Variants in LRRC31 observed in about 807,000 individuals in gnomAD.
LRRC31 encodes the protein leucine-rich repeat-containing protein 31.
A neutral mutation model predicts 46.7 loss-of-function variants in LRRC31; 35 were observed. The observed-to-expected ratio is 0.75, with a 90% CI of 0.57 to 0.99. LRRC31 has a LOEUF of 0.99. Among genes scored for constraint, LRRC31 ranks in the 50% least tolerant of loss-of-function variants. The pLI, the probability that LRRC31 is intolerant of heterozygous loss-of-function variation, is 0.00. For synonymous variants in LRRC31, 236 were observed against 235.1 expected (o/e 1.00, Z -0.03); for missense variants, 613 against 626.1 (o/e 0.98, Z 0.22).
intron 8 of LRRC31, among the ~76,000 whole-genome samples, chr3:169,846,471 G>A (rs971605160): frequency 5.9e-5 from 9 of 152,128 alleles, no homozygotes; most frequent in Admixed American, 2.0e-4. Flanking sequence ...CCAACAGGGC[G>A]AAACCCCGTC....
At chr3:169,848,932 A>G (rs569040257) in intron 7 of LRRC31, among the ~76,000 whole-genome samples, 13 of 152,320 alleles carry the variant, frequency 8.5e-5, no homozygotes, top group African/African-American at 2.9e-4. Context: ...GTTGGTACAT[A>G]TTTCACTGCA....
chr3:169,861,918 C>T, intron 1 of LRRC31, 105 bp from the exon 2 acceptor site: 1 of 1,234,852 alleles, frequency 8.1e-7, no homozygotes, highest in South Asian at 1.5e-5. Flanking sequence ...CTCTGAATTG[C>T]TCTTTTATAA....
intron 2 of LRRC31, 62 bp downstream of exon 2, chr3:169,861,608 T>C: frequency 6.4e-7 from 1 of 1,563,964 alleles, no homozygotes; most frequent in Non-Finnish European, 8.7e-7. Flanking sequence ...GAGTATGTTT[T>C]ATCTGCTTAT....
intron 8 of LRRC31, among the ~76,000 whole-genome samples, chr3:169,845,457 AC>A (rs1283232355): frequency 6.6e-6 from 1 of 152,224 alleles, no homozygotes; most frequent in Admixed American, 6.5e-5. Context: ...TTCAAGACTT[AC>A]TATAAAGTTT....
chr3:169,839,860 C>G lies in LRRC31; in HGVS notation c.*122G>C. On this transcript the variant is annotated 3_prime_UTR_variant, in exon 9 of 9. Transcript: ENST00000316428. ...AATATATATATATATTTACAAAGCT[C>G]TTGTAATATAAGTCCCATTAAATGG... is the stretch of plus-strand genomic sequence containing the variant. 1 of 502,706 alleles carries G rather than the reference C, an allele frequency of 2.0e-6. No homozygotes were observed. Among genetic ancestry groups the G allele is most frequent in the South Asian group, 3.4e-5 (1 of 29,426 alleles). 31.1% of individuals were successfully genotyped at this position (502,706 alleles called of 1,614,324 possible). A position where few individuals can be genotyped will look rare whatever the true frequency, so the allele number is the denominator to read the frequency against.
At position 169,848,164 on chromosome 3, in the gene LRRC31, C is replaced by T; in HGVS notation, c.1283G>A (p.Arg428Lys). ...LKLSMSLQVLRLSSCSLVTED... is the reference protein window; with the variant it reads ...LKLSMSLQVLKLSSCSLVTED... ...TGTCACCAGGGAACAGCTGCTCAGC[C>T]TCAGCACTTGAAGAGACATGGAAAG... The change falls in exon 8 of 9, where the codon AGG becomes AAG. Residue 428 changes from arginine to lysine, a missense_variant. Arg to Lys is a conservative substitution (Grantham distance 26). Coordinates refer to ENST00000316428, the MANE Select transcript of LRRC31 (RefSeq NM_024727.4). The T allele has an allele frequency of 6.2e-7, 1 of 1,614,178 alleles. No homozygotes were observed. The highest frequency in any genetic ancestry group is 1.1e-5 in the South Asian group (1 of 91,074).
intron 8 of LRRC31, among the ~76,000 whole-genome samples, chr3:169,845,054 T>C (rs1016239775): frequency 6.6e-6 from 1 of 152,192 alleles, no homozygotes; most frequent in African/African-American, 2.4e-5. Context: ...TTTAGCAAGT[T>C]TGCAGTAAAA....
Position 169,845,964 on chromosome 3 carries a change from A to C in LRRC31, c.1327+2156T>G, listed in dbSNP as rs1445519899. Among the ~76,000 whole-genome samples, 5 of 152,326 alleles carry C rather than the reference A, an allele frequency of 3.3e-5. No homozygotes were observed. The East Asian group carries it at 9.6e-4, about 29-fold the overall frequency. On this transcript the variant is annotated intron_variant, in intron 8 of 8. Transcript: ENST00000316428. ...TAGCAAATTATATTTCTGATAAAGG[A>C]CTTACTTGTATTCAGAAAAATCTAA... is the stretch of plus-strand genomic sequence containing the variant.
At chr3:169,850,470 C>T (rs1292744757) in intron 7 of LRRC31, among the ~76,000 whole-genome samples, 1 of 152,192 alleles carries the variant, frequency 6.6e-6, no homozygotes, top group Non-Finnish European at 1.5e-5. Flanking sequence ...ACCCACCAGA[C>T]AAGTCTAGGT....
intron 1 of LRRC31, among the ~76,000 whole-genome samples, chr3:169,862,049 T>C (rs947378701): frequency 5.3e-5 from 8 of 152,226 alleles, no homozygotes; most frequent in African/African-American, 1.9e-4. Context: ...TTTTCTATCA[T>C]GACCTGACCT....
intron 8 of LRRC31, among the ~76,000 whole-genome samples, chr3:169,842,825 T>C (rs562522823): frequency 6.6e-5 from 10 of 152,134 alleles, no homozygotes; most frequent in African/African-American, 2.4e-4. Context: ...AAGACCGAAA[T>C]GAAGAAGCAA....
At chr3:169,853,810 T>C in intron 6 of LRRC31, 2 of 669,418 alleles carry the variant, frequency 3.0e-6, no homozygotes, top group Non-Finnish European at 3.7e-6. Context: ...CCTCCCCAAA[T>C]TGTACTATAA....
chr3:169,850,982 C>G (rs1780746131), intron 7 of LRRC31, among the ~76,000 whole-genome samples: 1 of 152,138 alleles, frequency 6.6e-6, no homozygotes, highest in Non-Finnish European at 1.5e-5. Context: ...ATGGGCAGAA[C>G]TTTCAGATTC....
At position 169,856,727 on chromosome 3, in the gene LRRC31, C is replaced by T. The variant is rs775110868; in HGVS notation, c.633G>A (p.Thr211=). 78 of 1,590,108 alleles carry T rather than the reference C, an allele frequency of 4.9e-5. No individual in the cohort carries two copies. The highest frequency in any genetic ancestry group is 1.2e-4 in the African/African-American group (9 of 73,696). ...QMIELVDCSL[T]SEDGTFLGQL... is the part of the protein sequence containing the mutation. ...TACCCAGAAATGTCCCATCTTCTGA[C>T]GTGAGGGAGCAATCCACAAGCTCAA... The change falls in exon 4 of 9, where the codon ACG becomes ACA. Residue 211 remains threonine (T), a synonymous_variant. Coordinates refer to ENST00000316428, the MANE Select transcript of LRRC31 (RefSeq NM_024727.4).
intron 6 of LRRC31, among the ~76,000 whole-genome samples, chr3:169,852,909 T>C (rs1160664478): frequency 2.0e-5 from 3 of 152,192 alleles, no homozygotes; most frequent in East Asian, 1.9e-4. Context: ...CTCTGCGTTA[T>C]AGGAACTATC....
chr3:169,857,020 G>A, intron 3 of LRRC31, 148 bp from the exon 4 acceptor site: 1 of 631,086 alleles, frequency 1.6e-6, no homozygotes, highest in Non-Finnish European at 2.5e-6. Flanking sequence ...GAGAAGGAAA[G>A]AACCCAATTC....
intron 8 of LRRC31, 156 bp from the exon 9 acceptor site, chr3:169,840,469 T>A: frequency 1.3e-6 from 1 of 791,076 alleles, no homozygotes; most frequent in Non-Finnish European, 2.1e-6. Flanking sequence ...CATCTGAAAT[T>A]AGTAACAGAT....
At chr3:169,843,132 G>GA (rs1780501821) in intron 8 of LRRC31, among the ~76,000 whole-genome samples, 1 of 152,162 alleles carries the variant, frequency 6.6e-6, no homozygotes, top group Admixed American at 6.5e-5. Flanking sequence ...AAAGCAGAGA[G>GA]AATTTCCTCC....
chr3:169,845,809 G>A (rs1780587047), intron 8 of LRRC31, among the ~76,000 whole-genome samples: 1 of 150,944 alleles, frequency 6.6e-6, no homozygotes, highest in Non-Finnish European at 1.5e-5. Flanking sequence ...GCTCTAAGAT[G>A]CAACACAAAA....
Sources: gnomAD v4.1 joint callset for allele counts (sites outside exome capture counted in the v4.1 genomes callset) on GRCh38, gnomAD v4.1.1 for gene constraint, MANE v1.5 for transcripts, NCBI Gene and HGNC (gene_info 2026-07-23, HGNC 2026-07-21) for gene names.